FAM107B: variants seen among roughly 807,000 people sequenced by gnomAD.
FAM107B encodes the protein protein FAM107B.
FAM107B carries 21 observed loss-of-function variants against 31.5 expected under a neutral mutation model. That is an observed-to-expected ratio of 0.67 (90% confidence interval 0.47 to 0.96). The LOEUF is 0.96. Ranked by LOEUF, FAM107B falls within the 40% of genes least tolerant of loss-of-function variation. The pLI is 0.00. For missense variants in FAM107B, 452 were observed against 377.1 expected (o/e 1.20, Z -1.64); for synonymous variants, 157 against 141.5 (o/e 1.11, Z -0.78).
chr10:14,722,257 A>C (rs1457817523), intron 1 of FAM107B, among the ~76,000 whole-genome samples: 2 of 152,176 alleles, frequency 1.3e-5, no homozygotes, highest in Non-Finnish European at 2.9e-5. Flanking sequence ...TAGGTTTGCC[A>C]ATTTTGTACA....
In FAM107B at chr10:14,530,517, T is replaced by C. The variant is rs112309992; in HGVS notation, c.470-2A>G. 3.7e-6 allele frequency: 6 copies of C among 1,610,926 alleles called. No individual in the cohort carries two copies. The highest frequency in any genetic ancestry group is 5.1e-6 in the Non-Finnish European group (6 of 1,179,402). ...GGTCAATATCCTCAGGTGGGCTGTC[T>C]GAAAGAGAAAGATGAGAAACACTCA... On this transcript the variant is annotated splice_acceptor_variant, in intron 2 of 4. Coordinates refer to ENST00000181796, the MANE Select transcript of FAM107B (RefSeq NM_031453.4). LOFTEE classifies it high-confidence loss of function.
intron 2 of FAM107B, among the ~76,000 whole-genome samples, chr10:14,540,249 G>A (rs949561002): frequency 1.3e-5 from 2 of 152,252 alleles, no homozygotes; most frequent in African/African-American, 4.8e-5. Flanking sequence ...GGAGCTGGCA[G>A]TGTCACTTGG....
At chr10:14,655,385 C>A (rs1854020380) in intron 2 of FAM107B, among the ~76,000 whole-genome samples, 2 of 152,120 alleles carry the variant, frequency 1.3e-5, no homozygotes, top group South Asian at 4.1e-4. Context: ...ATAGGGTTTT[C>A]TTTTCTTTTT....
chr10:14,681,888 C>T (rs1192428964), intron 1 of FAM107B, among the ~76,000 whole-genome samples: 3 of 152,106 alleles, frequency 2.0e-5, no homozygotes, highest in Admixed American at 2.0e-4. Flanking sequence ...TTGGTAATAG[C>T]GAGAGAGTTT....
At chr10:14,539,298 C>A (rs1292687723) in intron 2 of FAM107B, among the ~76,000 whole-genome samples, 3 of 152,146 alleles carry the variant, frequency 2.0e-5, no homozygotes, top group Non-Finnish European at 4.4e-5. Flanking sequence ...ACCCAAGACC[C>A]AGCTGGTATC....
intron 1 of FAM107B, among the ~76,000 whole-genome samples, chr10:14,696,849 G>A (rs1435277481): frequency 6.6e-6 from 1 of 152,200 alleles, no homozygotes; most frequent in African/African-American, 2.4e-5. Flanking sequence ...AGGTCCCGTA[G>A]GCTGTGCCCA....
chr10:14,723,739 C>T, intron 1 of FAM107B: 1 of 757,886 alleles, frequency 1.3e-6, no homozygotes, highest in Non-Finnish European at 2.4e-6. Context: ...AGTGAAGGTT[C>T]CAGGGGTGAA....
At chr10:14,551,355 G>C (rs747670103) in intron 2 of FAM107B, among the ~76,000 whole-genome samples, 4 of 152,114 alleles carry the variant, frequency 2.6e-5, no homozygotes, top group Admixed American at 6.6e-5. Flanking sequence ...ATGTTGGCCA[G>C]GCTGGTCTTA....
intron 2 of FAM107B, among the ~76,000 whole-genome samples, chr10:14,582,626 C>G (rs1003874998): frequency 1.1e-4 from 17 of 151,940 alleles, no homozygotes; most frequent in East Asian, 3.9e-4. Context: ...ATCTGCCCCC[C>G]TCGGCCTCCC....
At chr10:14,538,294 C>A (rs1716067332) in intron 2 of FAM107B, among the ~76,000 whole-genome samples, 1 of 151,842 alleles carries the variant, frequency 6.6e-6, no homozygotes, top group Non-Finnish European at 1.5e-5. Flanking sequence ...CATAATAGTC[C>A]CAAACTGGAG....
intron 2 of FAM107B, among the ~76,000 whole-genome samples, chr10:14,609,114 T>C (rs933717047): frequency 5.9e-5 from 9 of 152,256 alleles, no homozygotes; most frequent in Admixed American, 2.6e-4. Context: ...AAGAAAAAGA[T>C]GGGGGAAAGA....
rs531495018 is a variant in FAM107B, at chr10:14,584,192, G to A, written c.470-53677C>T. 1.1e-4 allele frequency among the ~76,000 whole-genome samples: 16 copies of A among 152,308 alleles called. No individual in the cohort carries two copies. In the South Asian group the frequency reaches 1.5e-3, roughly 14 times the overall value. ...ACTCTGGGTCTGATCTGGGTAGCTC[G>A]TTGGTGTCTCAGCTGAGTAGCAGCA... On this transcript the variant is annotated intron_variant, in intron 2 of 4. Transcript: ENST00000181796.
chr10:14,762,938 T>C (rs372330231), intron 1 of FAM107B, among the ~76,000 whole-genome samples: 3 of 152,162 alleles, frequency 2.0e-5, no homozygotes, highest in African/African-American at 4.8e-5. Context: ...TATTCCTATA[T>C]GTTAATTTAT....
chr10:14,524,452 TCCA>T (rs1846013335), intron 3 of FAM107B, among the ~76,000 whole-genome samples: 1 of 152,174 alleles, frequency 6.6e-6, no homozygotes, highest in Non-Finnish European at 1.5e-5. Context: ...TGGCCAAATT[TCCA>T]GGGAAACAAA....
At chr10:14,773,138 G>C (rs1351124099) in intron 1 of FAM107B, among the ~76,000 whole-genome samples, 1 of 152,172 alleles carries the variant, frequency 6.6e-6, no homozygotes, top group African/African-American at 2.4e-5. Context: ...AGTTTTTGCT[G>C]TGACAGAGGA....
intron 1 of FAM107B, among the ~76,000 whole-genome samples, chr10:14,733,288 C>T (rs950040671): frequency 6.6e-6 from 1 of 152,016 alleles, no homozygotes; most frequent in Non-Finnish European, 1.5e-5. Flanking sequence ...AGCCCAGAGT[C>T]GATCTAATGT....
At chr10:14,726,651 A>G (rs984144561) in intron 1 of FAM107B, among the ~76,000 whole-genome samples, 10 of 152,148 alleles carry the variant, frequency 6.6e-5, no homozygotes, top group African/African-American at 2.2e-4. Flanking sequence ...GCTTGATCCT[A>G]TGTAGGAAGT....
chr10:14,580,253 G>A (rs1419329704), intron 2 of FAM107B, among the ~76,000 whole-genome samples: 2 of 152,062 alleles, frequency 1.3e-5, no homozygotes, highest in Admixed American at 1.3e-4. Flanking sequence ...CCAGCTACTT[G>A]GGAGGCTGAG....
At chr10:14,591,847 T>A (rs4750536) in intron 2 of FAM107B, among the ~76,000 whole-genome samples, 1 of 151,994 alleles carries the variant, frequency 6.6e-6, no homozygotes, top group Non-Finnish European at 1.5e-5. Flanking sequence ...CAGGGACTAG[T>A]GGGATGAGTT....
Sources: gnomAD v4.1 joint callset for allele counts (sites outside exome capture counted in the v4.1 genomes callset) on GRCh38, gnomAD v4.1.1 for gene constraint, MANE v1.5 for transcripts, NCBI Gene and HGNC (gene_info 2026-07-23, HGNC 2026-07-21) for gene names.